ZNF630: variants seen among roughly 807,000 people sequenced by gnomAD.
The protein encoded by ZNF630 is zinc finger protein 630, also known as dJ54B20.2 (novel KRAB box containing C2H2 type zinc finger protein).
ZNF630 carries 5 observed loss-of-function variants against 7.2 expected under a neutral mutation model. The observed-to-expected ratio is 0.70, with a 90% CI of 0.36 to 1.46. The LOEUF is 1.46. Among genes scored for constraint, ZNF630 ranks in the 40% most tolerant of loss-of-function variants. ZNF630 has a pLI of 0.03. For synonymous variants in ZNF630, 158 were observed against 162.8 expected, an observed-to-expected ratio of 0.97 and a Z score of 0.23; for missense variants, 461 against 477.0, an observed-to-expected ratio of 0.97 and a Z score of 0.31.
At chrX:48,071,238 G>A (rs1240412545) in intron 1 of ZNF630, 29 bp downstream of exon 1, 2 of 110,143 alleles carry the variant, frequency 1.8e-5, no homozygotes, top group Non-Finnish European at 3.8e-5. Context: ...TGATCACATA[G>A]ACCCGCAGCA....
intron 2 of ZNF630, among the ~76,000 whole-genome samples, chrX:48,061,195 CT>C (rs782504270): frequency 7.2e-5 from 8 of 111,300 alleles, no homozygotes; most frequent in African/African-American, 2.6e-4. Context: ...CTATTCAAAA[CT>C]GGAGAGCTAT....
rs143300188 is a variant in ZNF630, at chrX:48,070,805, G to A, written c.-176+462C>T. On this transcript the variant is annotated intron_variant, in intron 1 of 4. Coordinates refer to ENST00000276054, the MANE Select transcript of ZNF630 (RefSeq NM_001282201.2). ...AACCACCAAGTTGGACTTCTCCATCGGAATGTGGACACCACAGGAGCAGAG... is the reference window on the plus strand; with the variant it reads ...AACCACCAAGTTGGACTTCTCCATCAGAATGTGGACACCACAGGAGCAGAG... 6.9e-3 allele frequency among the ~76,000 whole-genome samples: 727 copies of A among 104,677 alleles called. 8 individuals carry two copies. The highest frequency in any genetic ancestry group is 0.032 in the South Asian group (72 of 2,243). The allele number at this position is 104,677 out of a possible 115,157, so 90.9% of individuals were successfully genotyped here.
intron 2 of ZNF630, 41 bp from the exon 3 acceptor site, chrX:48,060,986 A>C: frequency 1.7e-6 from 2 of 1,147,319 alleles, no homozygotes; most frequent in Non-Finnish European, 1.2e-6. Flanking sequence ...CGTTCTGGTC[A>C]TTTTTACCAT....
rs1453429787 is a variant in ZNF630 at position 48,059,133 on chromosome X, C to T, written c.1309G>A (p.Gly437Arg). The change falls in exon 5 of 5, where the codon GGG (glycine) becomes AGG (arginine). Residue 437 changes from glycine to arginine, a missense_variant. Coordinates refer to ENST00000276054, the MANE Select transcript of ZNF630 (RefSeq NM_001282201.2). ...TGGGACTGTTGGCAGAAAGTTTTCC[C>T]ACATTCACCACACTTATAGGGCTTC... ...GEKPYKCGEC[G>R]KTFCQQSHLI... 1.7e-6 allele frequency: 2 copies of T among 1,206,593 alleles called. 1 individual carries two copies. The highest frequency in any genetic ancestry group is 3.5e-5 in the African/African-American group (2 of 56,707).
intron 2 of ZNF630, among the ~76,000 whole-genome samples, chrX:48,064,056 G>C (rs2059119158): frequency 9.0e-6 from 1 of 110,774 alleles, no homozygotes; most frequent in African/African-American, 3.3e-5. Flanking sequence ...TGCTTGAGAG[G>C]TCTGGTTAGG....
chrX:48,060,583 G>A (rs782150228), intron 3 of ZNF630, 38 bp from the exon 4 acceptor site: 1 of 1,128,950 alleles, frequency 8.9e-7, no homozygotes, highest in South Asian at 2.0e-5. Context: ...GGCCTTGGCA[G>A]CTCAGAAATT....
In ZNF630 at chrX:48,058,413, G is replaced by A; in HGVS notation, c.*55C>T. 1 of 1,092,294 alleles carries A rather than the reference G, an allele frequency of 9.2e-7. No individual in the cohort carries two copies. Among genetic ancestry groups the A allele is most frequent in the Non-Finnish European group, 1.2e-6 (1 of 822,859 alleles). 90.0% of individuals were successfully genotyped at this position (1,092,294 alleles called of 1,213,427 possible). ...GAAGTTGTCACTATTTCTATTCAAT[G>A]TGAGTTTTCCCATAGACAATGAGGA... On this transcript the variant is annotated 3_prime_UTR_variant, in exon 5 of 5. Coordinates refer to ENST00000276054, the MANE Select transcript of ZNF630 (RefSeq NM_001282201.2).
At chrX:48,067,427 C>A (rs1273034004) in intron 1 of ZNF630, among the ~76,000 whole-genome samples, 2 of 112,227 alleles carry the variant, frequency 1.8e-5, no homozygotes, top group African/African-American at 3.2e-5. Context: ...ACCTTTAAGG[C>A]CTTATCTTTT....
In ZNF630 at chrX:48,058,496, T is replaced by C. The variant is rs1263523689; in HGVS notation, c.1946A>G (p.Tyr649Cys). The C allele has an allele frequency of 8.4e-7, 1 of 1,190,465 alleles. No individual in the cohort carries two copies. The highest frequency in any genetic ancestry group is 1.1e-6 in the Non-Finnish European group (1 of 886,361). ...GCATATATACAAGGTGTCTTTCCTA[T>C]ATGGATTCTGATGCCCAGTAAAGTA... ...HVYFTGHQNP[Y>C]RKDTLYIC The change falls in exon 5 of 5, where the codon TAT (tyrosine) becomes TGT (cysteine). Residue 649 changes from tyrosine (Y) to cysteine (C), a missense_variant. Coordinates refer to ENST00000276054, the MANE Select transcript of ZNF630 (RefSeq NM_001282201.2).
Position 48,059,651 on chromosome X carries a change from AC to A in ZNF630, c.790del (p.Val264PhefsTer99), listed in dbSNP as rs781814921. The A allele has an allele frequency of 1.7e-6, 2 of 1,208,576 alleles. No homozygotes were observed. The highest frequency in any genetic ancestry group is 2.2e-6 in the Non-Finnish European group (2 of 893,267). On this transcript the variant is annotated frameshift_variant, in exon 5 of 5. Transcript: ENST00000276054. LOFTEE classifies it low-confidence loss of function (END_TRUNC). ...KKFQAREKPNVCSMCGKAFIK... is the reference protein window; with the variant it reads ...KKFQAREKPNXCSMCGKAFIK... ...AAAGGCTTTCCCACACATACTACAA[AC>A]ATTGGGTTTCTCTCTGGCTTGAAAT...
chrX:48,058,752 C>G lies in ZNF630; in HGVS notation c.1690G>C (p.Gly564Arg). 8.3e-7 allele frequency: 1 copy of G among 1,206,347 alleles called. No homozygotes were observed. Among genetic ancestry groups the G allele is most frequent in the Non-Finnish European group, 1.1e-6 (1 of 892,163 alleles). The part of the protein sequence containing the change: ...LKSHLILHQR[G>R]HTGEKPYECS... ...TCATAGGGTTTCTCTCCAGTATGAC[C>G]TCTCTGATGTAGAATGAGATGTGAC... is the stretch of plus-strand genomic sequence containing the variant. Residue 564 changes from glycine to arginine, a missense_variant, in exon 5 of 5, where the codon GGT becomes CGT. By Grantham distance (125) the Gly-to-Arg change is moderately radical. Coordinates refer to ENST00000276054, the MANE Select transcript of ZNF630 (RefSeq NM_001282201.2).
rs782328932 is a variant in ZNF630, at chrX:48,066,978, G to A, written c.-92C>T. The A allele has an allele frequency of 3.1e-6, 3 of 959,471 alleles. No individual in the cohort carries two copies. In the East Asian group the frequency reaches 9.4e-5, roughly 30 times the overall value. 79.1% of individuals were successfully genotyped at this position (959,471 alleles called of 1,213,427 possible). A position where few individuals can be genotyped will look rare whatever the true frequency, so the allele number is the denominator to read the frequency against. The stretch of plus-strand genomic sequence containing the variant: ...CTGAGTTAACCACTCTTCAACAGCT[G>A]GATGTGACAATGTGTTGCTTGTTAA... On this transcript the variant is annotated 5_prime_UTR_variant, in exon 2 of 5. Transcript: ENST00000276054.
chrX:48,062,525 G>A (rs2059110021), intron 2 of ZNF630, among the ~76,000 whole-genome samples: 1 of 112,478 alleles, frequency 8.9e-6, no homozygotes, highest in African/African-American at 3.2e-5. Flanking sequence ...CTTGAGGTCA[G>A]GAATTCAAGA....
Position 48,058,841 on chromosome X carries a change from A to G in ZNF630, c.1601T>C (p.Leu534Pro). The G allele has an allele frequency of 6.6e-6, 8 of 1,205,996 alleles. No homozygotes were observed. Among genetic ancestry groups the G allele is most frequent in the African/African-American group, 1.8e-5 (1 of 57,119 alleles). The change falls in exon 5 of 5, where the codon CTG becomes CCG. Residue 534 changes from leucine (L) to proline (P), a missense_variant. Leu to Pro is a moderately conservative substitution (Grantham distance 98). Transcript: ENST00000276054. ...FSQKSLLIIH[L>P]RVHTGEKPYE... ...AGGTTTCTCCCCTGTGTGAACTCTC[A>G]GATGAATAATGAGGAGTGATTTCTG...
rs112530541 is a variant in ZNF630, at chrX:48,057,718, C to G, written c.*750G>C. On this transcript the variant is annotated 3_prime_UTR_variant, in exon 5 of 5. Transcript: ENST00000276054. Reference sequence around the variant, plus strand: ...TGATTTTTAAAAATTACAAAGAGTCCATATTTCTACATCTATATATTGATA... The same window carrying G: ...TGATTTTTAAAAATTACAAAGAGTCGATATTTCTACATCTATATATTGATA... 8.5e-3 allele frequency among the ~76,000 whole-genome samples: 945 copies of G among 110,731 alleles called. 23 individuals are homozygous for G. The highest frequency in any genetic ancestry group is 0.029 in the African/African-American group (876 of 30,340).
chrX:48,067,337 T>G (rs1172935182), intron 1 of ZNF630, among the ~76,000 whole-genome samples: 1 of 112,311 alleles, frequency 8.9e-6, no homozygotes, highest in Admixed American at 9.4e-5. Flanking sequence ...TGACTAGATA[T>G]TTGATAACAT....
At position 48,058,965 on chromosome X, in the gene ZNF630, C is replaced by T. The variant is rs1435998455; in HGVS notation, c.1477G>A (p.Gly493Arg). The T allele has an allele frequency of 1.2e-5, 15 of 1,206,276 alleles. No homozygotes were observed. Among genetic ancestry groups the T allele is most frequent in the South Asian group, 5.3e-5 (3 of 56,662 alleles). The change falls in exon 5 of 5, where the codon GGA becomes AGA. Residue 493 changes from glycine (G) to arginine (R), a missense_variant. Coordinates refer to ENST00000276054, the MANE Select transcript of ZNF630 (RefSeq NM_001282201.2). ...GEKPYMCTEC[G>R]KSFSQKSPLI... ...GGTGATTTCTGAGAGAAGGATTTTC[C>T]ACATTCAGTACACATATAAGGTTTC...
chrX:48,059,659 T>C lies in ZNF630; in HGVS notation c.783A>G (p.Lys261=), dbSNP rs2059092038. ...VQYKKFQARE[K]PNVCSMCGKA... is the part of the protein sequence containing the mutation. Reference sequence around the variant, plus strand: ...TCCCACACATACTACAAACATTGGGTTTCTCTCTGGCTTGAAATTTCTTAT... The same window carrying C: ...TCCCACACATACTACAAACATTGGGCTTCTCTCTGGCTTGAAATTTCTTAT... The change falls in exon 5 of 5, where the codon AAA becomes AAG. Residue 261 remains lysine, a synonymous_variant. Transcript: ENST00000276054. 5 of 1,208,342 alleles carry C rather than the reference T, an allele frequency of 4.1e-6. No homozygotes were observed. The highest frequency in any genetic ancestry group is 2.2e-6 in the Non-Finnish European group (2 of 893,200).
intron 2 of ZNF630, among the ~76,000 whole-genome samples, chrX:48,065,300 G>A (rs188841225): frequency 0.013 from 1,445 of 109,891 alleles, 42 homozygotes; most frequent in African/African-American, 0.045. Flanking sequence ...CCAGGAATTC[G>A]AGACCAGCCT....
Sources: allele counts gnomAD v4.1 joint callset (sites outside exome capture counted in the v4.1 genomes callset), GRCh38; gene constraint gnomAD v4.1.1; transcripts MANE v1.5; gene names NCBI Gene and HGNC (gene_info 2026-07-23, HGNC 2026-07-21).